The following ZNF385B variants were observed in gnomAD, a reference collection of about 807,000 sequenced individuals.
ZNF385B encodes zinc finger protein 533.
ZNF385B carries 23 observed loss-of-function variants against 39.2 expected under a neutral mutation model. That is an observed-to-expected ratio of 0.59 (90% CI 0.42 to 0.83). ZNF385B has a LOEUF of 0.83. Ranked by LOEUF, ZNF385B falls within the 40% of genes least tolerant of loss-of-function variation. ZNF385B has a pLI of 0.00. For missense variants in ZNF385B, 552 were observed against 598.9 expected (o/e 0.92, Z 0.82); for synonymous variants, 205 against 222.6 (o/e 0.92, Z 0.70).
At chr2:179,799,152 TGTTA>T (rs1705870869) in intron 1 of ZNF385B, among the ~76,000 whole-genome samples, 1 of 152,082 alleles carries the variant, frequency 6.6e-6, no homozygotes, top group Non-Finnish European at 1.5e-5. Context: ...TGAATTCTAT[TGTTA>T]ATTATACAAT....
rs143960166 is a variant in ZNF385B at position 179,630,716 on chromosome 2, T to C, written c.299-85747A>G. ...AGGCTTCAGAAGGTCGGTCATAAAC[T>C]TCTCCGAGCTAAAGGAGGGTGTTCG... is the stretch of plus-strand genomic sequence containing the variant. On this transcript the variant is annotated intron_variant, in intron 3 of 9. Transcript: ENST00000410066. 3.8e-3 allele frequency among the ~76,000 whole-genome samples: 581 copies of C among 152,246 alleles called. 4 individuals are homozygous for C. Among genetic ancestry groups the C allele is most frequent in the African/African-American group, 0.013 (551 of 41,552 alleles).
At chr2:179,682,527 T>C (rs1697596775) in intron 3 of ZNF385B, among the ~76,000 whole-genome samples, 1 of 152,258 alleles carries the variant, frequency 6.6e-6, no homozygotes, top group Non-Finnish European at 1.5e-5. Flanking sequence ...TTTTGCCTTC[T>C]CACTGTGGTT....
intron 1 of ZNF385B, among the ~76,000 whole-genome samples, chr2:179,783,558 G>T (rs555738225): frequency 1.3e-5 from 2 of 152,052 alleles, no homozygotes; most frequent in Non-Finnish European, 2.9e-5. Flanking sequence ...CTACAGTATG[G>T]GAGAAAATAT....
chr2:179,789,284 G>C (rs1705187057), intron 1 of ZNF385B, among the ~76,000 whole-genome samples: 1 of 152,098 alleles, frequency 6.6e-6, no homozygotes, highest in Admixed American at 6.6e-5. Context: ...TTAAATCAAA[G>C]TTAAGAAGTT....
intron 6 of ZNF385B, among the ~76,000 whole-genome samples, chr2:179,472,302 A>G (rs1333219340): frequency 1.3e-5 from 2 of 152,274 alleles, no homozygotes; most frequent in Non-Finnish European, 2.9e-5. Flanking sequence ...AAAAGAAATA[A>G]GCAAATAACT....
intron 3 of ZNF385B, among the ~76,000 whole-genome samples, chr2:179,557,060 G>C (rs2105945205): frequency 6.7e-6 from 1 of 149,332 alleles, no homozygotes; most frequent in Admixed American, 6.6e-5. Context: ...TAAAATTTTA[G>C]AGGTAAGCAT....
At chr2:179,825,747 A>G (rs995860422) in intron 1 of ZNF385B, among the ~76,000 whole-genome samples, 10 of 152,176 alleles carry the variant, frequency 6.6e-5, no homozygotes, top group Admixed American at 5.9e-4. Flanking sequence ...AGTGTTGTCA[A>G]GTCTTGCTTC....
chr2:179,480,115 C>T (rs1050748944), intron 6 of ZNF385B, among the ~76,000 whole-genome samples: 3 of 152,170 alleles, frequency 2.0e-5, no homozygotes, highest in Non-Finnish European at 4.4e-5. Flanking sequence ...TGAAACATCA[C>T]GTGAGTAACA....
intron 1 of ZNF385B, among the ~76,000 whole-genome samples, chr2:179,798,991 T>C (rs1414742181): frequency 6.6e-6 from 1 of 152,054 alleles, no homozygotes; most frequent in African/African-American, 2.4e-5. Flanking sequence ...TCTATTTTAG[T>C]GATTTGGTGA....
At chr2:179,759,991 G>A (rs1381137409) in intron 3 of ZNF385B, among the ~76,000 whole-genome samples, 1 of 151,548 alleles carries the variant, frequency 6.6e-6, no homozygotes, top group African/African-American at 2.4e-5. Context: ...TTCACATGCA[G>A]TTGTAAGAAA....
chr2:179,810,568 GTAAA>G (rs1168964705), intron 1 of ZNF385B, among the ~76,000 whole-genome samples: 1 of 151,944 alleles, frequency 6.6e-6, no homozygotes, highest in Non-Finnish European at 1.5e-5. Context: ...TGTGTTCCAT[GTAAA>G]TAAATATGGA....
At chr2:179,855,324 A>G (rs1282093420) in intron 1 of ZNF385B, among the ~76,000 whole-genome samples, 1 of 152,212 alleles carries the variant, frequency 6.6e-6, no homozygotes, top group Admixed American at 6.5e-5. Context: ...CAGAAATGTA[A>G]ATGCTTTGTA....
chr2:179,699,681 T>C (rs1339209937), intron 3 of ZNF385B, among the ~76,000 whole-genome samples: 1 of 152,218 alleles, frequency 6.6e-6, no homozygotes, highest in Non-Finnish European at 1.5e-5. Flanking sequence ...CCTGATCCAC[T>C]TGAGCAGGGA....
chr2:179,517,055 T>C (rs2058139669), intron 5 of ZNF385B, among the ~76,000 whole-genome samples: 1 of 151,908 alleles, frequency 6.6e-6, no homozygotes, highest in African/African-American at 2.4e-5. Context: ...ACTGACTATA[T>C]TGGTGTGAGT....
chr2:179,681,366 G>C (rs1262500166), intron 3 of ZNF385B, among the ~76,000 whole-genome samples: 1 of 152,082 alleles, frequency 6.6e-6, no homozygotes, highest in Non-Finnish European at 1.5e-5. Flanking sequence ...TAACCAAACT[G>C]TTCAGGGACT....
At chr2:179,678,886 C>A (rs1256993176) in intron 3 of ZNF385B, among the ~76,000 whole-genome samples, 2 of 152,210 alleles carry the variant, frequency 1.3e-5, no homozygotes, top group Non-Finnish European at 2.9e-5. Flanking sequence ...TTGCTATCCA[C>A]ACATTCCCAC....
chr2:179,540,934 T>C (rs1279952864), intron 4 of ZNF385B, among the ~76,000 whole-genome samples: 4 of 152,172 alleles, frequency 2.6e-5, no homozygotes, highest in Non-Finnish European at 4.4e-5. Flanking sequence ...GGGGTAGCAA[T>C]GGTGAAAATG....
chr2:179,759,108 C>CT (rs1703216422), intron 3 of ZNF385B, among the ~76,000 whole-genome samples: 1 of 151,896 alleles, frequency 6.6e-6, no homozygotes, highest in Non-Finnish European at 1.5e-5. Flanking sequence ...GCTTGACTAA[C>CT]TTTTTTTTAG....
chr2:179,609,677 A>G (rs1574972313), intron 3 of ZNF385B, among the ~76,000 whole-genome samples: 6 of 152,326 alleles, frequency 3.9e-5, no homozygotes, highest in Admixed American at 3.9e-4. Flanking sequence ...TAGCTGTACT[A>G]ATGTGCATTC....
Sources: allele counts gnomAD v4.1 joint callset (sites outside exome capture counted in the v4.1 genomes callset), GRCh38; gene constraint gnomAD v4.1.1; transcripts MANE v1.5; gene names NCBI Gene and HGNC (gene_info 2026-07-23, HGNC 2026-07-21).